ARL13B: variants seen among roughly 807,000 people sequenced by gnomAD.
ARL13B encodes ADP-ribosylation factor-like protein 13B.
A neutral mutation model predicts 56.1 loss-of-function variants in ARL13B; 36 were observed. The observed-to-expected ratio is 0.64, with a 90% CI of 0.49 to 0.85. The LOEUF (loss-of-function observed/expected upper bound fraction) is 0.85, where lower values mean the gene tolerates loss of function less well. Ranked by LOEUF, ARL13B falls within the 40% of genes least tolerant of loss-of-function variation. The probability of loss-of-function intolerance (pLI) is 0.00; values close to 1 mark genes in which losing one functional copy is unlikely to be tolerated. For synonymous variants in ARL13B, 178 were observed against 171.1 expected, an observed-to-expected ratio of 1.04 and a Z score of -0.32; for missense variants, 519 against 507.1, an observed-to-expected ratio of 1.02 and a Z score of -0.23.
At chr3:94,022,204 ACCT>A (rs2076463323) in intron 3 of ARL13B, among the ~76,000 whole-genome samples, 1 of 151,662 alleles carries the variant, frequency 6.6e-6, no homozygotes, top group South Asian at 2.1e-4. Flanking sequence ...GTTCACTGCA[ACCT>A]CCTCCTCCCT....
intron 3 of ARL13B, among the ~76,000 whole-genome samples, chr3:94,022,249 C>G (rs1352800909): frequency 2.0e-5 from 3 of 152,098 alleles, no homozygotes; most frequent in Non-Finnish European, 4.4e-5. Context: ...CCTCAGCCTC[C>G]TGAGTAGCTG....
rs139780924 is a variant in ARL13B at position 93,995,920 on chromosome 3, G to A, written c.106G>A (p.Ala36Thr). Residue 36 changes from alanine (A) to threonine (T), a missense_variant, in exon 2 of 10, where the codon GCA (alanine) becomes ACA (threonine). Physicochemically the swap from Ala to Thr is moderately conservative, Grantham distance 58 (BLOSUM62 0). Transcript: ENST00000394222. ...MVGLDNAGKT[A>T]TAKGIQGEYP... ...GGGACTTGATAATGCTGGTAAAACC[G>A]CAACAGCAAAGGGAATCCAAGGAGG... The A allele has an allele frequency of 8.9e-5, 143 of 1,613,216 alleles. No homozygotes were observed. The African/African-American group carries it at 9.9e-4, about 11-fold the overall frequency.
chr3:94,030,799 A>T (rs2076663554), intron 3 of ARL13B, among the ~76,000 whole-genome samples: 1 of 152,230 alleles, frequency 6.6e-6, no homozygotes, highest in Non-Finnish European at 1.5e-5. Context: ...TGATATTATT[A>T]TGTTAAAATT....
At position 94,043,087 on chromosome 3, in the gene ARL13B, CAT is replaced by C. The variant is rs777782265; in HGVS notation, c.873_874del (p.His291GlnfsTer5). 2 of 1,613,096 alleles carry C rather than the reference CAT, an allele frequency of 1.2e-6. No homozygotes were observed. The highest frequency in any genetic ancestry group is 1.7e-6 in the Non-Finnish European group (2 of 1,179,840). The part of the protein sequence containing the change: ...EKDSDGCHLK[H>X]KMEHEQIETQ... ...AGACAGTGATGGCTGCCACCTGAAA[CAT>C]AAAATGGAGCATGAGCAAATAGAGA... On this transcript the variant is annotated frameshift_variant, in exon 7 of 10. Coordinates refer to ENST00000394222, the MANE Select transcript of ARL13B (RefSeq NM_001174150.2). LOFTEE classifies it high-confidence loss of function.
At chr3:94,044,862 G>A (rs1035220750) in intron 7 of ARL13B, among the ~76,000 whole-genome samples, 6 of 151,342 alleles carry the variant, frequency 4.0e-5, no homozygotes, top group East Asian at 2.0e-4. Context: ...AGTGAGGAGC[G>A]TCTCTGCCTG....
intron 1 of ARL13B, among the ~76,000 whole-genome samples, chr3:93,986,301 CTATT>C (rs1575924154): frequency 6.6e-6 from 1 of 152,120 alleles, no homozygotes; most frequent in Non-Finnish European, 1.5e-5. Flanking sequence ...GGCCTTCTCA[CTATT>C]TATTCATACT....
Position 94,053,333 on chromosome 3 carries a change from G to C in ARL13B, c.*70G>C. On this transcript the variant is annotated 3_prime_UTR_variant, in exon 10 of 10. Transcript: ENST00000394222. ...GGGACATTCTTCTTTCTCAGAAGAA[G>C]AAACATCTTGTAAATTGATGACTGG... The C allele has an allele frequency of 7.3e-7, 1 of 1,375,044 alleles. No individual in the cohort carries two copies. The highest frequency in any genetic ancestry group is 1.0e-6 in the Non-Finnish European group (1 of 968,288). The allele number at this position is 1,375,044 out of a possible 1,614,324, so 85.2% of individuals were successfully genotyped here. A position where few individuals can be genotyped will look rare whatever the true frequency, so the allele number is the denominator to read the frequency against.
intron 4 of ARL13B, among the ~76,000 whole-genome samples, chr3:94,035,840 AGGG>A (rs984610274): frequency 1.2e-4 from 19 of 152,174 alleles, no homozygotes; most frequent in African/African-American, 4.3e-4. Flanking sequence ...GGGAGGTTGA[AGGG>A]GGCAGATTGC....
chr3:93,988,641 CTT>C (rs1215935581), intron 1 of ARL13B: 1 of 497,352 alleles, frequency 2.0e-6, no homozygotes, highest in Non-Finnish European at 4.0e-6. Context: ...ATTAATCAGA[CTT>C]GGCTTCTTTC....
At chr3:93,988,786 A>AT (rs35677824) in intron 1 of ARL13B, 53,573 of 338,732 alleles carry the variant, frequency 0.16, 3,015 homozygotes, top group Admixed American at 0.18. Flanking sequence ...ATTTGTTTGC[A>AT]TTTTTTTTTT....
intron 6 of ARL13B, among the ~76,000 whole-genome samples, chr3:94,041,190 A>C (rs559923019): frequency 6.6e-6 from 1 of 152,200 alleles, no homozygotes; most frequent in East Asian, 1.9e-4. Context: ...TACTGCAGAT[A>C]ATTAAAATGG....
chr3:93,987,828 TA>T (rs1710543039), intron 1 of ARL13B, among the ~76,000 whole-genome samples: 1 of 151,948 alleles, frequency 6.6e-6, no homozygotes, highest in South Asian at 2.1e-4. Context: ...TTTTAATTTG[TA>T]GAGACAAGGT....
At chr3:94,018,057 T>C (rs181416581) in intron 3 of ARL13B, among the ~76,000 whole-genome samples, 1 of 152,334 alleles carries the variant, frequency 6.6e-6, no homozygotes, top group Admixed American at 6.5e-5. Context: ...CATTTTGATA[T>C]GTAATTTAAA....
chr3:94,011,251 A>G (rs912131807), intron 3 of ARL13B, among the ~76,000 whole-genome samples: 1 of 152,108 alleles, frequency 6.6e-6, no homozygotes, highest in East Asian at 1.9e-4. Flanking sequence ...TGTCTTGCTT[A>G]GACCCAGTCA....
intron 3 of ARL13B, among the ~76,000 whole-genome samples, chr3:94,016,277 A>G (rs1245520968): frequency 6.6e-6 from 1 of 152,212 alleles, no homozygotes; most frequent in African/African-American, 2.4e-5. Context: ...TGGACCACAT[A>G]TAATATTAAT....
chr3:94,039,892 A>G lies in ARL13B; in HGVS notation c.702A>G (p.Glu234=). 8 of 1,614,114 alleles carry G rather than the reference A, an allele frequency of 5.0e-6. No homozygotes were observed. Among genetic ancestry groups the G allele is most frequent in the South Asian group, 1.1e-5 (1 of 91,050 alleles). The change falls in exon 6 of 10, where the codon GAA becomes GAG. Residue 234 remains glutamate (E), a synonymous_variant. Coordinates refer to ENST00000394222, the MANE Select transcript of ARL13B (RefSeq NM_001174150.2). ...RKLREERKQN[E]QEQAELDGTS... ...CCTCAAACGATAGAAAACAAAATGAACAGGAGCAGGCTGAACTCGATGGAA... is the reference window on the plus strand; with the variant it reads ...CCTCAAACGATAGAAAACAAAATGAGCAGGAGCAGGCTGAACTCGATGGAA...
At chr3:93,995,851 T>A (rs372602852) in intron 1 of ARL13B, 23 bp from the exon 2 acceptor site, 3 of 1,589,962 alleles carry the variant, frequency 1.9e-6, no homozygotes, top group Middle Eastern at 1.7e-4. Flanking sequence ...AGAAAGTGAT[T>A]TTTAAATTTC....
At position 94,055,528 on chromosome 3, in the gene ARL13B, T is replaced by C. The variant is rs78210887; in HGVS notation, c.*2265T>C. ...ATATGATGTTAGAGGATTTGATGTCTGTCTTGCGTTAAAGCTGTTGGTCAA... is the reference window on the plus strand; with the variant it reads ...ATATGATGTTAGAGGATTTGATGTCCGTCTTGCGTTAAAGCTGTTGGTCAA... On this transcript the variant is annotated 3_prime_UTR_variant, in exon 10 of 10. Coordinates refer to ENST00000394222, the MANE Select transcript of ARL13B (RefSeq NM_001174150.2). 1.9e-4 allele frequency: 88 copies of C among 454,004 alleles called. 2 individuals carry two copies. The East Asian group carries it at 3.9e-3, about 20-fold the overall frequency. 28.1% of individuals were successfully genotyped at this position (454,004 alleles called of 1,614,324 possible). A position where few individuals can be genotyped will look rare whatever the true frequency, so the allele number is the denominator to read the frequency against.
intron 1 of ARL13B, among the ~76,000 whole-genome samples, chr3:93,992,085 TATAA>T (rs1466205624): frequency 6.6e-6 from 1 of 152,206 alleles, no homozygotes; most frequent in Non-Finnish European, 1.5e-5. Context: ...CCTAATAGCC[TATAA>T]ATAAAGACAG....
Sources: allele counts gnomAD v4.1 joint callset (sites outside exome capture counted in the v4.1 genomes callset), GRCh38; gene constraint gnomAD v4.1.1; transcripts MANE v1.5; gene names NCBI Gene and HGNC (gene_info 2026-07-23, HGNC 2026-07-21).